KCNMA1: variants seen among roughly 807,000 people sequenced by gnomAD.
The protein encoded by KCNMA1 is Calcium-activated potassium channel subunit alpha-1.
KCNMA1 carries 29 observed loss-of-function variants against 140.0 expected under a neutral mutation model. That is an observed-to-expected ratio of 0.21 (90% CI 0.15 to 0.28). The LOEUF (loss-of-function observed/expected upper bound fraction) is 0.28. KCNMA1 is among the 10% of genes least tolerant of loss of function. KCNMA1 has a pLI of 1.00. For synonymous variants in KCNMA1, 612 were observed against 611.9 expected (o/e 1.00, Z 0.00); for missense variants, 880 against 1,602.2 (o/e 0.55, Z 7.70).
chr10:77,148,772 C>T (rs1218435345), intron 5 of KCNMA1, among the ~76,000 whole-genome samples: 2 of 152,182 alleles, frequency 1.3e-5, no homozygotes, highest in East Asian at 1.9e-4. Context: ...AGCTTGGCCT[C>T]GTTCCAGTAA....
intron 2 of KCNMA1, among the ~76,000 whole-genome samples, chr10:77,314,923 AACACACACACACACACACACAC>A (rs3998084): frequency 6.8e-6 from 1 of 146,250 alleles, no homozygotes; most frequent in East Asian, 2.0e-4. Context: ...CCACACCCCC[AACACACACACACACACACACAC>A]ACACACACAC....
intron 3 of KCNMA1, among the ~76,000 whole-genome samples, chr10:77,224,531 G>T (rs1180920882): frequency 1.3e-5 from 2 of 152,148 alleles, no homozygotes. Context: ...GGAAAGCCAG[G>T]CTGCTTCTCA....
chr10:77,222,695 G>A (rs374931341), intron 3 of KCNMA1, among the ~76,000 whole-genome samples: 54 of 152,194 alleles, frequency 3.5e-4, no homozygotes, highest in African/African-American at 1.2e-3. Context: ...TGATTCCAGA[G>A]AACAGGCCAA....
chr10:77,175,315 A>C (rs192275387), intron 5 of KCNMA1, among the ~76,000 whole-genome samples: 5 of 152,192 alleles, frequency 3.3e-5, no homozygotes, highest in Non-Finnish European at 7.3e-5. Flanking sequence ...TTGGGCTATG[A>C]ATATTTACTC....
chr10:77,262,392 T>C (rs2062253897), intron 2 of KCNMA1, among the ~76,000 whole-genome samples: 1 of 152,142 alleles, frequency 6.6e-6, no homozygotes, highest in Admixed American at 6.5e-5. Context: ...AGAATGATGG[T>C]TCCTTGGAAG....
chr10:77,522,469 T>A (rs2053802896), intron 1 of KCNMA1, among the ~76,000 whole-genome samples: 1 of 152,210 alleles, frequency 6.6e-6, no homozygotes, highest in East Asian at 1.9e-4. Context: ...ATTGAATAAC[T>A]GTCGGGAACA....
chr10:77,526,271 C>T (rs963333905), intron 1 of KCNMA1, among the ~76,000 whole-genome samples: 1 of 152,214 alleles, frequency 6.6e-6, no homozygotes, highest in African/African-American at 2.4e-5. Flanking sequence ...AGATACATTT[C>T]CTTACTGTCT....
intron 2 of KCNMA1, among the ~76,000 whole-genome samples, chr10:77,362,172 C>T (rs1355786651): frequency 1.3e-5 from 2 of 152,192 alleles, no homozygotes; most frequent in Non-Finnish European, 2.9e-5. Context: ...AAGGCAGCCA[C>T]ACTGCCCCTG....
intron 1 of KCNMA1, among the ~76,000 whole-genome samples, chr10:77,459,317 C>T (rs1391600128): frequency 1.3e-5 from 2 of 152,236 alleles, no homozygotes; most frequent in Admixed American, 6.5e-5. Flanking sequence ...AATCCTCTGA[C>T]CTGATGACAA....
intron 1 of KCNMA1, chr10:77,499,092 C>T (rs16934917): frequency 0.25 from 37,693 of 152,102 alleles, 4,920 homozygotes; most frequent in East Asian, 0.53. Context: ...GTAAACAACT[C>T]GTGTGATATT....
At chr10:77,442,199 G>A (rs998563045) in intron 1 of KCNMA1, among the ~76,000 whole-genome samples, 1 of 152,068 alleles carries the variant, frequency 6.6e-6, no homozygotes, top group African/African-American at 2.4e-5. Flanking sequence ...CCCACATTCA[G>A]CCTTCACTCT....
Position 76,974,682 on chromosome 10 carries a change from G to T in KCNMA1, c.2267-4615C>A, listed in dbSNP as rs929337955. On this transcript the variant is annotated intron_variant, in intron 19 of 27. Transcript: ENST00000286628. The stretch of plus-strand genomic sequence containing the variant: ...TGAATAGCTTTGAATCAAACTGGAA[G>T]TTTCTCCCTCACAGCTGAATTGCCA... 1.8e-5 allele frequency: 14 copies of T among 757,076 alleles called. No homozygotes were observed. The African/African-American group carries it at 1.9e-4, about 10-fold the overall frequency. The allele number at this position is 757,076 out of a possible 1,614,324, so 46.9% of individuals were successfully genotyped here. A position where few individuals can be genotyped will look rare whatever the true frequency, so the allele number is the denominator to read the frequency against.
intron 2 of KCNMA1, among the ~76,000 whole-genome samples, chr10:77,275,895 G>A (rs542889716): frequency 5.3e-5 from 8 of 150,214 alleles, no homozygotes; most frequent in Non-Finnish European, 1.2e-4. Flanking sequence ...TTCCATCCAC[G>A]GATTTTGCAG....
chr10:77,427,130 G>C (rs1432930110), intron 1 of KCNMA1, among the ~76,000 whole-genome samples: 1 of 152,152 alleles, frequency 6.6e-6, no homozygotes, highest in Non-Finnish European at 1.5e-5. Flanking sequence ...CTTCCCAAAG[G>C]CAGCCCTTCC....
intron 1 of KCNMA1, among the ~76,000 whole-genome samples, chr10:77,438,575 AAAAC>A (rs1411290803): frequency 5.3e-5 from 8 of 151,940 alleles, no homozygotes; most frequent in Non-Finnish European, 1.2e-4. Flanking sequence ...AAAAAAAAAA[AAAAC>A]AAAGAAGTAC....
intron 3 of KCNMA1, among the ~76,000 whole-genome samples, chr10:77,247,868 T>A (rs188830592): frequency 8.9e-4 from 135 of 152,204 alleles, no homozygotes; most frequent in Admixed American, 1.4e-3. Flanking sequence ...TTAACGTAAT[T>A]ATCTTTGGTT....
intron 1 of KCNMA1, among the ~76,000 whole-genome samples, chr10:77,612,944 C>T (rs2087567320): frequency 6.6e-6 from 1 of 152,128 alleles, no homozygotes; most frequent in African/African-American, 2.4e-5. Context: ...TGAGCACAGG[C>T]ATGCAATAGA....
rs56926398 is a variant in KCNMA1, at chr10:77,117,539, C to CAAAAAAAAA, written c.884+3425_884+3433dup. On this transcript the variant is annotated intron_variant, in intron 6 of 27. Coordinates refer to ENST00000286628, the MANE Select transcript of KCNMA1 (RefSeq NM_001161352.2). ...TGGACAACAGAGCAAGAGTCTATCT[C>CAAAAAAAAA]AAAAAAAAAAAAAAAAAAAAAAAAA... Among the ~76,000 whole-genome samples, 50 of 22,498 alleles carry CAAAAAAAAA rather than the reference C, an allele frequency of 2.2e-3. 1 individual carries two copies. Among genetic ancestry groups the CAAAAAAAAA allele is most frequent in the African/African-American group, 6.5e-3 (43 of 6,570 alleles). 14.8% of individuals were successfully genotyped at this position (22,498 alleles called of 152,430 possible). A position where few individuals can be genotyped will look rare whatever the true frequency, so the allele number is the denominator to read the frequency against.
At chr10:76,927,383 AG>A (rs2058035534) in intron 23 of KCNMA1, among the ~76,000 whole-genome samples, 1 of 152,230 alleles carries the variant, frequency 6.6e-6, no homozygotes, top group South Asian at 2.1e-4. Context: ...TGAGGCCTGC[AG>A]GCACAGTACA....
Sources: gnomAD v4.1 joint callset for allele counts (sites outside exome capture counted in the v4.1 genomes callset) on GRCh38, gnomAD v4.1.1 for gene constraint, MANE v1.5 for transcripts, NCBI Gene and HGNC (gene_info 2026-07-23, HGNC 2026-07-21) for gene names.